Variants in ABLIM1 observed in about 807,000 individuals in gnomAD.
The protein encoded by ABLIM1 is actin-binding LIM protein 1.
ABLIM1 carries 40 observed loss-of-function variants against 107.0 expected under a neutral mutation model. That is an observed-to-expected ratio of 0.37 (90% CI 0.29 to 0.49). ABLIM1 has a LOEUF of 0.49. Ranked by LOEUF, ABLIM1 falls within the 20% of genes least tolerant of loss-of-function variation. The probability of loss-of-function intolerance (pLI) is 0.97; values close to 1 mark genes in which losing one functional copy is unlikely to be tolerated. For synonymous variants in ABLIM1, 357 were observed against 357.3 expected, an observed-to-expected ratio of 1.00 and a Z score of 0.01; for missense variants, 857 against 1,008.5, an observed-to-expected ratio of 0.85 and a Z score of 2.04.
Position 114,707,088 on chromosome 10 carries a change from G to C in ABLIM1, c.-213+60973C>G, listed in dbSNP as rs1360191750. On this transcript the variant is annotated intron_variant, in intron 1 of 15. Transcript: ENST00000651092. This position sits in a 1 kb window ranked among gnomAD's most constrained non-coding sequence, Gnocchi z 4.1. ...AAGAAACAGGTAAAATTAATTTTAA[G>C]ATTTTTAAGATTTTTATTTAACCTA... 6.6e-6 allele frequency among the ~76,000 whole-genome samples: 1 copy of C among 152,128 alleles called. No homozygotes were observed. The highest frequency in any genetic ancestry group is 1.5e-5 in the Non-Finnish European group (1 of 68,030).
chr10:114,443,486 T>C (rs2060503032), intron 17 of ABLIM1, among the ~76,000 whole-genome samples: 2 of 151,822 alleles, frequency 1.3e-5, no homozygotes. Context: ...CTAATGTCTG[T>C]ATTTTTAGTA....
intron 12 of ABLIM1, among the ~76,000 whole-genome samples, chr10:114,456,447 C>A (rs1341531228): frequency 6.6e-6 from 1 of 152,136 alleles, no homozygotes. Context: ...ACGGTCTTTT[C>A]TCGAAAGAAG....
chr10:114,764,739 C>T (rs2082843092), intron 1 of ABLIM1: 1 of 152,240 alleles, frequency 6.6e-6, no homozygotes, highest in South Asian at 2.1e-4. Flanking sequence ...ATCTGCTAAG[C>T]AGTGTTCTCC....
intron 6 of ABLIM1, among the ~76,000 whole-genome samples, chr10:114,497,681 C>CAAAAA (rs576676119): frequency 3.0e-4 from 23 of 75,552 alleles, no homozygotes; most frequent in African/African-American, 1.1e-3. Flanking sequence ...GATTCTGTCT[C>CAAAAA]AAAAAAAAAA....
At position 114,651,834 on chromosome 10, in the gene ABLIM1, T is replaced by C. The variant is rs566622246; in HGVS notation, c.244+6123A>G. ...AGAACAAAAGTTAAAGTAAGACTGCTGTTTGGGGGGAACCATATCCCATCA... is the reference window on the plus strand; with the variant it reads ...AGAACAAAAGTTAAAGTAAGACTGCCGTTTGGGGGGAACCATATCCCATCA... On this transcript the variant is annotated intron_variant, in intron 1 of 22. Transcript: ENST00000533213. Among the ~76,000 whole-genome samples, 55 of 152,338 alleles carry C rather than the reference T, an allele frequency of 3.6e-4. 2 individuals carry two copies. The South Asian group carries it at 0.011, about 30-fold the overall frequency.
At chr10:114,456,764 G>A (rs2062893274) in intron 12 of ABLIM1, among the ~76,000 whole-genome samples, 1 of 152,172 alleles carries the variant, frequency 6.6e-6, no homozygotes, top group African/African-American at 2.4e-5. Flanking sequence ...GCCAGTGCCT[G>A]TAGAAGCCCC....
chr10:114,623,401 A>G (rs2077590196), intron 1 of ABLIM1, among the ~76,000 whole-genome samples: 1 of 152,230 alleles, frequency 6.6e-6, no homozygotes, highest in Non-Finnish European at 1.5e-5. Flanking sequence ...GGTCTGCTTC[A>G]TTATGAAACA....
At chr10:114,533,260 G>A (rs1008405846) in intron 6 of ABLIM1, among the ~76,000 whole-genome samples, 1 of 152,144 alleles carries the variant, frequency 6.6e-6, no homozygotes, top group African/African-American at 2.4e-5. Context: ...AGAATTGCTT[G>A]AACCTGGGAG....
chr10:114,704,300 CTCTATA>C (rs1203744820), intron 1 of ABLIM1, among the ~76,000 whole-genome samples: 329 of 28,854 alleles, frequency 0.011, no homozygotes, highest in African/African-American at 0.032. Context: ...CTCTCTCTCT[CTCTATA>C]TATATATATA....
At chr10:114,465,896 G>A (rs2065049008) in intron 11 of ABLIM1, 69 bp from the exon 12 acceptor site, 6 of 1,526,678 alleles carry the variant, frequency 3.9e-6, no homozygotes, top group Non-Finnish European at 4.5e-6. Context: ...CACAAACACT[G>A]CCAAGGAACC....
chr10:114,441,219 T>G (rs2060150065), intron 18 of ABLIM1, 142 bp from the exon 19 acceptor site: 2 of 848,940 alleles, frequency 2.4e-6, no homozygotes, highest in South Asian at 3.6e-5. Context: ...TCCCTATGAT[T>G]CTTCTACTGC....
intron 1 of ABLIM1, among the ~76,000 whole-genome samples, chr10:114,665,558 G>A (rs1284135574): frequency 6.6e-6 from 1 of 152,232 alleles, no homozygotes; most frequent in Non-Finnish European, 1.5e-5. Flanking sequence ...TCTATTTAGA[G>A]AGATAACATG....
intron 1 of ABLIM1, among the ~76,000 whole-genome samples, chr10:114,646,573 G>A (rs962679081): frequency 6.6e-6 from 1 of 152,154 alleles, no homozygotes; most frequent in African/African-American, 2.4e-5. Context: ...GGCAGAAAGG[G>A]ATTGGAATCA....
intron 1 of ABLIM1, among the ~76,000 whole-genome samples, chr10:114,756,249 T>C (rs1326536723): frequency 6.6e-6 from 1 of 152,188 alleles, no homozygotes; most frequent in Non-Finnish European, 1.5e-5. Context: ...GCACATTTGT[T>C]CACTATACTA....
At chr10:114,745,133 C>T (rs2082357498) in intron 1 of ABLIM1, among the ~76,000 whole-genome samples, 1 of 152,114 alleles carries the variant, frequency 6.6e-6, no homozygotes, top group Non-Finnish European at 1.5e-5. Flanking sequence ...GTCTGCTTGT[C>T]CTCCTCCACT....
At chr10:114,768,324 C>G (rs940810311), upstream of ABLIM1, among the ~76,000 whole-genome samples, 8 of 147,598 alleles carry the variant, frequency 5.4e-5, no homozygotes, top group Non-Finnish European at 1.1e-4. Flanking sequence ...GCGCCTCCCC[C>G]GCCCCGAGCC....
chr10:114,442,599 C>T (rs1280652579), intron 17 of ABLIM1, among the ~76,000 whole-genome samples: 1 of 152,154 alleles, frequency 6.6e-6, no homozygotes, highest in African/African-American at 2.4e-5. Flanking sequence ...TGAAGGGTAG[C>T]GGGAATTCCA....
chr10:114,444,121 A>AAT lies in ABLIM1; in HGVS notation c.1840_1841insAT (p.Leu614HisfsTer5). The AAT allele has an allele frequency of 6.3e-7, 1 of 1,593,194 alleles. No homozygotes were observed. The highest frequency in any genetic ancestry group is 8.5e-7 in the Non-Finnish European group (1 of 1,170,266). On this transcript the variant is annotated frameshift_variant, in exon 17 of 23. Coordinates refer to ENST00000533213, the MANE Select transcript of ABLIM1 (RefSeq NM_002313.7). LOFTEE classifies it high-confidence loss of function. The stretch of plus-strand genomic sequence containing the variant: ...CTCTTCTTTCAAGATCAACTGTCCC[A>AAT]GGCCTGAGTTAAGCTATTCACAGAA...
At chr10:114,547,424 T>C in intron 5 of ABLIM1, 1 of 566,218 alleles carries the variant, frequency 1.8e-6, no homozygotes, top group Admixed American at 3.4e-5. Context: ...TCAGCTTCAT[T>C]AATTGTTAAA....
Sources: allele counts gnomAD v4.1 joint callset (sites outside exome capture counted in the v4.1 genomes callset), GRCh38; gene constraint gnomAD v4.1.1; non-coding constraint Gnocchi (gnomAD v3.1); transcripts MANE v1.5; gene names NCBI Gene and HGNC (gene_info 2026-07-23, HGNC 2026-07-21).